The following CDK5RAP2 variants were observed in gnomAD, a reference collection of about 807,000 sequenced individuals.
The protein encoded by CDK5RAP2 is CDK5 regulatory subunit-associated protein 2.
Under a neutral mutation model 232.9 loss-of-function variants are expected in CDK5RAP2, and 147 were observed. The observed-to-expected ratio is 0.63, with a 90% CI of 0.55 to 0.72. The LOEUF (loss-of-function observed/expected upper bound fraction) is 0.72. Among genes scored for constraint, CDK5RAP2 ranks in the 30% least tolerant of loss-of-function variants. The probability of loss-of-function intolerance (pLI) is 0.00; values close to 1 mark genes in which losing one functional copy is unlikely to be tolerated. For synonymous variants in CDK5RAP2, 833 were observed against 833.7 expected, an observed-to-expected ratio of 1.00 and a Z score of 0.01; for missense variants, 2,195 against 2,231.5, an observed-to-expected ratio of 0.98 and a Z score of 0.33.
chr9:120,522,213 A>C (rs1390730163), intron 11 of CDK5RAP2, among the ~76,000 whole-genome samples: 2 of 152,258 alleles, frequency 1.3e-5, no homozygotes, highest in Admixed American at 6.5e-5. Context: ...ATAAGGTCAA[A>C]GGACTGCACT....
At chr9:120,447,463 T>C (rs2036254196) in intron 22 of CDK5RAP2, among the ~76,000 whole-genome samples, 1 of 152,144 alleles carries the variant, frequency 6.6e-6, no homozygotes, top group Non-Finnish European at 1.5e-5. Context: ...GTGGGTTACT[T>C]CTAGAGGAAG....
chr9:120,452,587 C>T (rs571608476), intron 21 of CDK5RAP2, among the ~76,000 whole-genome samples: 50 of 151,596 alleles, frequency 3.3e-4, no homozygotes, highest in Non-Finnish European at 6.2e-4. Flanking sequence ...GATTCTTGGC[C>T]GTGGGGGGGT....
At chr9:120,426,744 T>G (rs2034929013) in intron 25 of CDK5RAP2, among the ~76,000 whole-genome samples, 1 of 152,226 alleles carries the variant, frequency 6.6e-6, no homozygotes, top group South Asian at 2.1e-4. Flanking sequence ...TTTCAAAACA[T>G]GTCAAAGAAA....
Position 120,487,422 on chromosome 9 carries a change from C to A in CDK5RAP2, c.1498G>T (p.Asp500Tyr), listed in dbSNP as rs777982872. 4 of 1,606,492 alleles carry A rather than the reference C, an allele frequency of 2.5e-6. No individual in the cohort carries two copies. Among genetic ancestry groups the A allele is most frequent in the South Asian group, 1.1e-5 (1 of 88,616 alleles). ...DVLLQKFNEK[D>Y]LEVIQQNCYL... ...CAGTTCTGCTGTATTACTTCCAAAT[C>A]TTTTTCATTGAATTTCTAATGAAAT... is the stretch of plus-strand genomic sequence containing the variant. Residue 500 changes from aspartate to tyrosine, a missense_variant, in exon 14 of 38, where the codon GAT becomes TAT. Coordinates refer to ENST00000349780, the MANE Select transcript of CDK5RAP2 (RefSeq NM_018249.6).
chr9:120,394,853 G>A (rs1272371402), intron 35 of CDK5RAP2, among the ~76,000 whole-genome samples: 1 of 152,212 alleles, frequency 6.6e-6, no homozygotes, highest in African/African-American at 2.4e-5. Flanking sequence ...TCTGGTGGAA[G>A]TGCGGGATGG....
chr9:120,457,944 G>A (rs903267374), intron 20 of CDK5RAP2, among the ~76,000 whole-genome samples: 3 of 152,076 alleles, frequency 2.0e-5, no homozygotes, highest in Non-Finnish European at 4.4e-5. Flanking sequence ...ACTCCTAAAG[G>A]ATTAATTGAA....
intron 32 of CDK5RAP2, among the ~76,000 whole-genome samples, chr9:120,404,397 T>C (rs201337599): frequency 7.2e-5 from 11 of 152,210 alleles, no homozygotes; most frequent in Non-Finnish European, 7.3e-5. Context: ...ACACAGGCTG[T>C]TGGGGCTCAG....
At chr9:120,520,013 T>C (rs1281239904) in intron 11 of CDK5RAP2, among the ~76,000 whole-genome samples, 1 of 152,224 alleles carries the variant, frequency 6.6e-6, no homozygotes, top group South Asian at 2.1e-4. Flanking sequence ...GTCAAGAATA[T>C]GTGGTATTTC....
chr9:120,555,808 C>G (rs1043441501), intron 3 of CDK5RAP2, among the ~76,000 whole-genome samples: 1 of 152,230 alleles, frequency 6.6e-6, no homozygotes, highest in Non-Finnish European at 1.5e-5. Context: ...GAAACTCTTA[C>G]GTCCCTCAGA....
chr9:120,540,127 A>C (rs1252873154), intron 5 of CDK5RAP2, among the ~76,000 whole-genome samples: 1 of 152,274 alleles, frequency 6.6e-6, no homozygotes, highest in East Asian at 1.9e-4. Flanking sequence ...TCTCCACATG[A>C]CCGGCAGTGG....
intron 25 of CDK5RAP2, among the ~76,000 whole-genome samples, chr9:120,427,475 TG>T (rs1334810552): frequency 1.3e-5 from 2 of 152,264 alleles, no homozygotes; most frequent in Admixed American, 6.5e-5. Context: ...CCCACAAAGC[TG>T]GGATCTGAAC....
intron 14 of CDK5RAP2, among the ~76,000 whole-genome samples, chr9:120,486,239 G>A (rs377128210): frequency 3.3e-5 from 5 of 152,018 alleles, no homozygotes; most frequent in Non-Finnish European, 5.9e-5. Flanking sequence ...TCTAGTGCCC[G>A]AGTCTTTTCT....
chr9:120,435,781 T>C (rs1309665694), intron 25 of CDK5RAP2, among the ~76,000 whole-genome samples: 2 of 152,106 alleles, frequency 1.3e-5, no homozygotes. Flanking sequence ...AATAGTCCAT[T>C]GAATAAAATA....
chr9:120,532,196 G>A (rs2041184946), intron 7 of CDK5RAP2, among the ~76,000 whole-genome samples: 1 of 152,064 alleles, frequency 6.6e-6, no homozygotes, highest in Non-Finnish European at 1.5e-5. Flanking sequence ...TGGAAATCCA[G>A]ACTTCTGCAT....
chr9:120,472,033 C>T (rs1331268189), intron 15 of CDK5RAP2, among the ~76,000 whole-genome samples, 155 bp from the exon 16 acceptor site: 1 of 152,090 alleles, frequency 6.6e-6, no homozygotes, highest in Non-Finnish European at 1.5e-5. Flanking sequence ...TTAAATACAA[C>T]AGTATAAAGA....
chr9:120,560,342 A>G (rs1010760497), intron 3 of CDK5RAP2, among the ~76,000 whole-genome samples: 3 of 152,212 alleles, frequency 2.0e-5, no homozygotes. Flanking sequence ...GGATAGCGTT[A>G]AAAATCACGT....
intron 16 of CDK5RAP2, among the ~76,000 whole-genome samples, chr9:120,471,153 G>A (rs965290367): frequency 3.9e-5 from 6 of 152,194 alleles, no homozygotes; most frequent in Non-Finnish European, 7.3e-5. Flanking sequence ...TACCATATGT[G>A]TCAGGCACCG....
Position 120,489,613 on chromosome 9 carries a change from T to G in CDK5RAP2, c.1482+1694A>C, listed in dbSNP as rs553219407. Reference sequence around the variant, plus strand: ...AACTTTTCTTACTCTTCTTTTAAACTTTTTTATATTTGCAGTCCTACTTTC... The same window carrying G: ...AACTTTTCTTACTCTTCTTTTAAACGTTTTTATATTTGCAGTCCTACTTTC... On this transcript the variant is annotated intron_variant, in intron 13 of 37. Transcript: ENST00000349780. Among the ~76,000 whole-genome samples the G allele has an allele frequency of 3.9e-5, 6 of 152,280 alleles. No homozygotes were observed. The South Asian group carries it at 1.2e-3, about 32-fold the overall frequency.
chr9:120,464,740 G>T (rs2037280310), intron 18 of CDK5RAP2, among the ~76,000 whole-genome samples: 1 of 151,982 alleles, frequency 6.6e-6, no homozygotes, highest in African/African-American at 2.4e-5. Context: ...GAGGGTTATA[G>T]TCCCATCTCC....
Sources: gnomAD v4.1 joint callset for allele counts (sites outside exome capture counted in the v4.1 genomes callset) on GRCh38, gnomAD v4.1.1 for gene constraint, MANE v1.5 for transcripts, NCBI Gene and HGNC (gene_info 2026-07-23, HGNC 2026-07-21) for gene names.